Variants in DHX9 observed in about 807,000 individuals in gnomAD.
The protein encoded by DHX9 is ATP-dependent RNA helicase A.
Under a neutral mutation model 148.7 loss-of-function variants are expected in DHX9, and 27 were observed. That is an observed-to-expected ratio of 0.18 (90% confidence interval 0.13 to 0.25). The LOEUF (loss-of-function observed/expected upper bound fraction) is 0.25, where lower values mean the gene tolerates loss of function less well. Ranked by LOEUF, DHX9 falls within the 10% of genes least tolerant of loss-of-function variation. DHX9 has a pLI of 1.00. For synonymous variants in DHX9, 529 were observed against 516.6 expected (o/e 1.02, Z -0.33); for missense variants, 796 against 1,559.6 (o/e 0.51, Z 8.25).
At position 182,858,708 on chromosome 1, in the gene DHX9, GT is replaced by G. The variant is rs1172413970; in HGVS notation, c.901-22del. The G allele has an allele frequency of 1.9e-6, 3 of 1,611,938 alleles. No homozygotes were observed. The East Asian group carries it at 6.7e-5, about 36-fold the overall frequency. ...CGTAGACAAGCAAATCATATTTTTT[GT>G]TTGTTTTTCTTATTTTTTAATAGCC... On this transcript the variant is annotated intron_variant, in intron 9 of 27. Transcript: ENST00000367549.
intron 6 of DHX9, among the ~76,000 whole-genome samples, chr1:182,855,109 C>T (rs1176203688): frequency 6.6e-6 from 1 of 152,190 alleles, no homozygotes; most frequent in African/African-American, 2.4e-5. Flanking sequence ...ATGGTTCCCC[C>T]TTCCTCCCAC....
intron 1 of DHX9, among the ~76,000 whole-genome samples, chr1:182,841,355 T>C (rs964316228): frequency 6.6e-6 from 1 of 152,150 alleles, no homozygotes; most frequent in Non-Finnish European, 1.5e-5. Flanking sequence ...TAGCATGTAG[T>C]TGGTATTGAA....
chr1:182,868,091 T>G (rs1571312834), intron 14 of DHX9, among the ~76,000 whole-genome samples: 1 of 152,354 alleles, frequency 6.6e-6, no homozygotes, highest in East Asian at 1.9e-4. Context: ...CTTCAGAGTT[T>G]CTAAGTGTTT....
chr1:182,843,560 G>C, intron 3 of DHX9, 126 bp downstream of exon 3: 1 of 1,049,132 alleles, frequency 9.5e-7, no homozygotes, highest in Non-Finnish European at 1.3e-6. Flanking sequence ...AATGAAATTT[G>C]GCATCTTGTT....
At chr1:182,877,029 C>A in intron 19 of DHX9, 126 bp downstream of exon 19, 1 of 622,970 alleles carries the variant, frequency 1.6e-6, no homozygotes, top group Non-Finnish European at 2.8e-6. Context: ...AATTATTGTG[C>A]ATCTATATAG....
chr1:182,858,372 CTG>C lies in DHX9; in HGVS notation c.810+136_810+137del, dbSNP rs1405724375. The C allele has an allele frequency of 1.5e-5, 17 of 1,161,464 alleles. No individual in the cohort carries two copies. The African/African-American group carries it at 2.5e-4, about 17-fold the overall frequency. 71.9% of individuals were successfully genotyped at this position (1,161,464 alleles called of 1,614,324 possible). A position where few individuals can be genotyped will look rare whatever the true frequency, so the allele number is the denominator to read the frequency against. ...ATGAAAATGGCCCTGCTAATCATCT[CTG>C]TGTCTGGCATGATGTTCATAATAGG... is the stretch of plus-strand genomic sequence containing the variant. On this transcript the variant is annotated intron_variant, in intron 8 of 27. Transcript: ENST00000367549.
At chr1:182,845,261 ATTC>A (rs1411897951) in intron 3 of DHX9, among the ~76,000 whole-genome samples, 2 of 152,048 alleles carry the variant, frequency 1.3e-5, no homozygotes, top group African/African-American at 4.8e-5. Flanking sequence ...GTCTCCCTCT[ATTC>A]TTTATCTTTT....
Position 182,858,909 on chromosome 1 carries a change from GT to G in DHX9, c.1062+20del. 1 of 1,613,450 alleles carries G rather than the reference GT, an allele frequency of 6.2e-7. No homozygotes were observed. The highest frequency in any genetic ancestry group is 2.2e-5 in the East Asian group (1 of 44,874). On this transcript the variant is annotated intron_variant, in intron 10 of 27. Transcript: ENST00000367549. ...CTCTGGCTTTTGTGAGTGCAATATT[GT>G]TTTTGAGATCAGAGTCTTGTGTTTT...
chr1:182,884,859 T>G, intron 27 of DHX9, 46 bp downstream of exon 27: 1 of 1,584,140 alleles, frequency 6.3e-7, no homozygotes, highest in Non-Finnish European at 8.7e-7. Context: ...AGGGGAGAGA[T>G]CTTATGTAGG....
At chr1:182,886,395 C>A (rs1379329788) in intron 27 of DHX9, among the ~76,000 whole-genome samples, 1 of 151,924 alleles carries the variant, frequency 6.6e-6, no homozygotes, top group African/African-American at 2.4e-5. Context: ...AGGGTTTTGC[C>A]ATGTTGCCCA....
intron 12 of DHX9, among the ~76,000 whole-genome samples, chr1:182,862,589 G>A (rs189153476): frequency 6.6e-6 from 1 of 152,210 alleles, no homozygotes; most frequent in Non-Finnish European, 1.5e-5. Flanking sequence ...TTAGAAGATA[G>A]AGATAGTGGA....
chr1:182,853,099 G>A (rs1015574896), intron 4 of DHX9, among the ~76,000 whole-genome samples: 2 of 151,658 alleles, frequency 1.3e-5, no homozygotes, highest in African/African-American at 4.9e-5. Flanking sequence ...GCTAATTTTT[G>A]TATTTTTAGT....
At chr1:182,858,046 G>A (rs999283238) in intron 7 of DHX9, 58 bp from the exon 8 acceptor site, 10 of 1,555,486 alleles carry the variant, frequency 6.4e-6, no homozygotes, top group African/African-American at 4.1e-5. Flanking sequence ...CTTGTGATAA[G>A]ATGTTTCTTT....
At chr1:182,878,928 T>G (rs115213506) in intron 20 of DHX9, among the ~76,000 whole-genome samples, 2,697 of 152,356 alleles carry the variant, frequency 0.018, 70 homozygotes, top group African/African-American at 0.056. Flanking sequence ...TGTTGTCGTT[T>G]TTAACCCATG....
chr1:182,842,746 TTC>T, intron 2 of DHX9, 69 bp downstream of exon 2: 3 of 1,296,674 alleles, frequency 2.3e-6, no homozygotes, highest in Non-Finnish European at 2.2e-6. Context: ...GAAAAATGTT[TTC>T]TGTTTGGAGA....
At chr1:182,870,110 A>C (rs1267467822) in intron 14 of DHX9, among the ~76,000 whole-genome samples, 1 of 152,268 alleles carries the variant, frequency 6.6e-6, no homozygotes, top group Non-Finnish European at 1.5e-5. Flanking sequence ...TGCAGTAGTC[A>C]AAGTATTTAG....
chr1:182,842,978 A>G (rs1268357242), intron 2 of DHX9, among the ~76,000 whole-genome samples: 2 of 152,210 alleles, frequency 1.3e-5, no homozygotes, highest in African/African-American at 4.8e-5. Context: ...AAGCAGAGCA[A>G]TTCTTGATTG....
rs547248849 is a variant in DHX9 at position 182,878,456 on chromosome 1, T to C, written c.2351+283T>C. Among the ~76,000 whole-genome samples the C allele has an allele frequency of 3.3e-5, 5 of 152,340 alleles. No individual in the cohort carries two copies. In the South Asian group the frequency reaches 1.0e-3, roughly 32 times the overall value. On this transcript the variant is annotated intron_variant, in intron 20 of 27. Transcript: ENST00000367549. ...CCTGCATTTCCCTCATTCTATAAAA[T>C]ATTAAGTTACTTAACCTCTCTTGTT... is the stretch of plus-strand genomic sequence containing the variant.
chr1:182,866,942 G>T lies in DHX9; in HGVS notation c.1475-19G>T. Reference sequence around the variant, plus strand: ...ACTTTGAACTTTTCTATAGTTTATTGATTGTTTTTCTTTTCAAGGTGTGCT... The same window carrying T: ...ACTTTGAACTTTTCTATAGTTTATTTATTGTTTTTCTTTTCAAGGTGTGCT... On this transcript the variant is annotated intron_variant, in intron 13 of 27. Coordinates refer to ENST00000367549, the MANE Select transcript of DHX9 (RefSeq NM_001357.5). The T allele has an allele frequency of 6.3e-7, 1 of 1,591,936 alleles. No individual in the cohort carries two copies. Among genetic ancestry groups the T allele is most frequent in the Non-Finnish European group, 8.6e-7 (1 of 1,168,706 alleles).
Sources: allele counts gnomAD v4.1 joint callset (sites outside exome capture counted in the v4.1 genomes callset), GRCh38; gene constraint gnomAD v4.1.1; transcripts MANE v1.5; gene names NCBI Gene and HGNC (gene_info 2026-07-23, HGNC 2026-07-21).